PRSS55: variants seen among roughly 807,000 people sequenced by gnomAD.
The protein encoded by PRSS55 is probable serine protease UNQ9391/PRO34284.
PRSS55 carries 41 observed loss-of-function variants against 23.6 expected under a neutral mutation model. The observed-to-expected ratio is 1.74, with a 90% CI of 1.35 to 2.26. The LOEUF is 2.26. PRSS55 is among the 30% of genes most tolerant of loss of function. The probability of loss-of-function intolerance (pLI) is 0.00; values close to 1 mark genes in which losing one functional copy is unlikely to be tolerated. For synonymous variants in PRSS55, 262 were observed against 175.5 expected (o/e 1.49, Z -3.90); for missense variants, 669 against 439.1 (o/e 1.52, Z -4.68).
chr8:10,548,539 C>A (rs1812875769), intron 4 of PRSS55, among the ~76,000 whole-genome samples: 1 of 152,206 alleles, frequency 6.6e-6, no homozygotes, highest in African/African-American at 2.4e-5. Flanking sequence ...GACGGTTTCC[C>A]TCACTCTGAG....
chr8:10,528,543 C>T (rs1425483521), intron 1 of PRSS55, among the ~76,000 whole-genome samples: 1 of 152,214 alleles, frequency 6.6e-6, no homozygotes, highest in East Asian at 1.9e-4. Context: ...AGGGGCATTT[C>T]CTGCCTCAGC....
chr8:10,545,640 A>C (rs893987848), intron 4 of PRSS55, among the ~76,000 whole-genome samples: 3 of 152,212 alleles, frequency 2.0e-5, no homozygotes, highest in African/African-American at 7.2e-5. Flanking sequence ...AGGCTTTCTA[A>C]GGTATAAGAG....
chr8:10,531,169 C>A (rs1812243931), intron 2 of PRSS55, 126 bp from the exon 3 acceptor site: 7 of 1,140,218 alleles, frequency 6.1e-6, no homozygotes, highest in East Asian at 4.7e-5. Context: ...TTCTGATCAA[C>A]AGCCCCAGTA....
At chr8:10,534,421 C>A (rs1394508042) in intron 4 of PRSS55, among the ~76,000 whole-genome samples, 1 of 152,168 alleles carries the variant, frequency 6.6e-6, no homozygotes, top group Non-Finnish European at 1.5e-5. Flanking sequence ...AGTCACCTCT[C>A]AAGGATCATG....
At chr8:10,541,834 C>A (rs1305092296), downstream of PRSS55, among the ~76,000 whole-genome samples, 1 of 152,166 alleles carries the variant, frequency 6.6e-6, no homozygotes, top group African/African-American at 2.4e-5. Flanking sequence ...TCACAGCTCA[C>A]TGCCACCTAC....
At chr8:10,550,056 C>T (rs2117085318) in intron 4 of PRSS55, among the ~76,000 whole-genome samples, 1 of 152,240 alleles carries the variant, frequency 6.6e-6, no homozygotes, top group East Asian at 1.9e-4. Context: ...AGTAGCTGAA[C>T]TACAGGTGCG....
rs776387427 is a variant in PRSS55 at position 10,533,065 on chromosome 8, C to T, written c.741+17C>T. 2 of 1,613,790 alleles carry T rather than the reference C, an allele frequency of 1.2e-6. No individual in the cohort carries two copies. Among genetic ancestry groups the T allele is most frequent in the Non-Finnish European group, 1.7e-6 (2 of 1,179,754 alleles). ...GCCTGCAAGGTAACTAGGGGGTACC[C>T]TCCCTCACCTTATAGGTCCTCACCC... On this transcript the variant is annotated intron_variant, in intron 4 of 4. Transcript: ENST00000328655.
chr8:10,547,264 C>T (rs1266475803), intron 4 of PRSS55, among the ~76,000 whole-genome samples: 1 of 152,178 alleles, frequency 6.6e-6, no homozygotes, highest in Non-Finnish European at 1.5e-5. Context: ...AGCCGGTGGC[C>T]TCTGACACAG....
chr8:10,549,666 G>T (rs567750514), intron 4 of PRSS55, among the ~76,000 whole-genome samples: 1 of 152,328 alleles, frequency 6.6e-6, no homozygotes, highest in East Asian at 1.9e-4. Context: ...CCAGGCAGGG[G>T]CTTCCTGACG....
At chr8:10,538,137 C>T (rs140647949) in intron 4 of PRSS55, among the ~76,000 whole-genome samples, 1 of 152,160 alleles carries the variant, frequency 6.6e-6, no homozygotes, top group East Asian at 1.9e-4. Flanking sequence ...TTGATAAGAG[C>T]CTCTCATTTG....
At chr8:10,533,080 G>T (rs758950021) in intron 4 of PRSS55, 32 bp downstream of exon 4, 1 of 1,611,556 alleles carries the variant, frequency 6.2e-7, no homozygotes, top group Non-Finnish European at 8.5e-7. Context: ...TCACCTTATA[G>T]GTCCTCACCC....
chr8:10,545,488 A>G (rs771664826), intron 4 of PRSS55, among the ~76,000 whole-genome samples: 40 of 152,230 alleles, frequency 2.6e-4, no homozygotes, highest in Middle Eastern at 3.4e-3. Flanking sequence ...TTTACTCTCC[A>G]TTTCTATGCT....
At position 10,536,383 on chromosome 8, in the gene PRSS55, G is replaced by C. The variant is rs114606978; in HGVS notation, c.742-2093G>C. ...AATAACAAATGTTGGTGAGGTTGCA[G>C]AGAAAAGAGAATGCTTCTACACTTC... is the stretch of plus-strand genomic sequence containing the variant. On this transcript the variant is annotated intron_variant, in intron 4 of 4. Transcript: ENST00000328655. Among the ~76,000 whole-genome samples, 1,251 of 152,308 alleles carry C rather than the reference G, an allele frequency of 8.2e-3. 13 individuals carry two copies. The highest frequency in any genetic ancestry group is 0.029 in the African/African-American group (1,195 of 41,556).
intron 4 of PRSS55, among the ~76,000 whole-genome samples, chr8:10,550,844 G>A (rs1399603966): frequency 1.3e-5 from 2 of 152,240 alleles, no homozygotes; most frequent in African/African-American, 2.4e-5. Flanking sequence ...GTGTGTGCGT[G>A]AGCACAAACA....
rs201586475 is a variant in PRSS55 at position 10,531,382 on chromosome 8, C to A, written c.435C>A (p.His145Gln). ...AGGAGGTCGCCAGCATCATTCTTCACAAAGACTTTAAGAGAGCCAACATGG... is the reference window on the plus strand; with the variant it reads ...AGGAGGTCGCCAGCATCATTCTTCAAAAAGACTTTAAGAGAGCCAACATGG... ...EIKEVASIIL[H>Q]KDFKRANMDN... Residue 145 changes from histidine (H) to glutamine (Q), a missense_variant, in exon 3 of 5, where the codon CAC becomes CAA. Coordinates refer to ENST00000328655, the MANE Select transcript of PRSS55 (RefSeq NM_198464.4). 4.3e-6 allele frequency: 7 copies of A among 1,614,236 alleles called. No individual in the cohort carries two copies. The East Asian group carries it at 1.6e-4, about 36-fold the overall frequency.
chr8:10,534,612 ACTGAATGAGCAAAAG>A, intron 4 of PRSS55, among the ~76,000 whole-genome samples: 1 of 152,230 alleles, frequency 6.6e-6, no homozygotes. Context: ...CCAACATTAT[ACTGAATGAGCAAAAG>A]CTGGAAGCCT....
chr8:10,544,105 T>C (rs570944290), intron 4 of PRSS55, among the ~76,000 whole-genome samples: 26 of 152,120 alleles, frequency 1.7e-4, no homozygotes, highest in Admixed American at 3.3e-4. Flanking sequence ...GTTCTATCCA[T>C]TATTTAACAT....
intron 1 of PRSS55, among the ~76,000 whole-genome samples, chr8:10,526,385 G>A (rs1812023529): frequency 6.6e-6 from 1 of 152,228 alleles, no homozygotes; most frequent in Admixed American, 6.5e-5. Context: ...CCTGCGCTGG[G>A]TGACCGCAGC....
chr8:10,551,619 C>T (rs1257310502), intron 4 of PRSS55, among the ~76,000 whole-genome samples: 1 of 152,232 alleles, frequency 6.6e-6, no homozygotes, highest in East Asian at 1.9e-4. Flanking sequence ...GGCTTCACCT[C>T]CTAACCCTGG....
Sources: gnomAD v4.1 joint callset for allele counts (sites outside exome capture counted in the v4.1 genomes callset) on GRCh38, gnomAD v4.1.1 for gene constraint, MANE v1.5 for transcripts, NCBI Gene and HGNC (gene_info 2026-07-23, HGNC 2026-07-21) for gene names.